Variants in AK8 observed in about 807,000 individuals in gnomAD.
AK8 encodes the protein adenylate kinase 8.
In AK8, 44 loss-of-function variants were observed where a neutral mutation model predicts 54.6. That is an observed-to-expected ratio of 0.81 (90% confidence interval 0.63 to 1.04). The LOEUF is 1.04. Among genes scored for constraint, AK8 ranks in the 50% least tolerant of loss-of-function variants. The pLI is 0.00. For missense variants in AK8, 555 were observed against 613.6 expected (o/e 0.90, Z 1.01); for synonymous variants, 239 against 245.6 (o/e 0.97, Z 0.25).
chr9:132,835,510 T>C (rs577597364), intron 5 of AK8, among the ~76,000 whole-genome samples: 2 of 152,254 alleles, frequency 1.3e-5, no homozygotes, highest in East Asian at 3.9e-4. Context: ...GAAACAAGAT[T>C]AGCCCTGGAA....
At chr9:132,823,167 C>T (rs770592383) in intron 9 of AK8, 38 bp downstream of exon 9, 1 of 1,507,720 alleles carries the variant, frequency 6.6e-7, no homozygotes, top group Non-Finnish European at 8.8e-7. Flanking sequence ...CAGGGAAAGG[C>T]TCTCGAAGCT....
intron 10 of AK8, among the ~76,000 whole-genome samples, chr9:132,801,375 T>A (rs540039407): frequency 6.6e-6 from 1 of 152,302 alleles, no homozygotes; most frequent in East Asian, 1.9e-4. Flanking sequence ...GCAGAATGAT[T>A]TGACAATTTT....
At chr9:132,866,636 T>C (rs1240334198) in intron 3 of AK8, among the ~76,000 whole-genome samples, 1 of 152,148 alleles carries the variant, frequency 6.6e-6, no homozygotes, top group African/African-American at 2.4e-5. Flanking sequence ...GGAGAGCGTG[T>C]ATGCAGGCCA....
In AK8 at chr9:132,860,415, AGAGC is replaced by A. The variant is rs1421186478; in HGVS notation, c.333+3246_333+3249del. Among the ~76,000 whole-genome samples, 2 of 152,264 alleles carry A rather than the reference AGAGC, an allele frequency of 1.3e-5. No individual in the cohort carries two copies. Among genetic ancestry groups the A allele is most frequent in the Non-Finnish European group, 2.9e-5 (2 of 68,036 alleles). Reference sequence around the variant, plus strand: ...TGAGACAAGCCAAGGCTGTTTACTCAGAGCTTGCTGGGCAAGGGAGTCAGCCAGC... The same window carrying A: ...TGAGACAAGCCAAGGCTGTTTACTCATTGCTGGGCAAGGGAGTCAGCCAGC... On this transcript the variant is annotated intron_variant, in intron 4 of 12. Coordinates refer to ENST00000298545, the MANE Select transcript of AK8 (RefSeq NM_152572.3). This position sits in a 1 kb window ranked among gnomAD's most constrained non-coding sequence, Gnocchi z 4.4.
intron 11 of AK8, among the ~76,000 whole-genome samples, chr9:132,751,245 G>A (rs1400297423): frequency 6.6e-6 from 1 of 151,396 alleles, no homozygotes; most frequent in East Asian, 1.9e-4. Context: ...TTAGCCGGGC[G>A]TGGTGGTGCA....
chr9:132,762,874 C>T (rs955832276), intron 11 of AK8, among the ~76,000 whole-genome samples: 1 of 152,070 alleles, frequency 6.6e-6, no homozygotes, highest in Non-Finnish European at 1.5e-5. Context: ...GAGACTCTAT[C>T]TCAAAAGAAA....
intron 11 of AK8, among the ~76,000 whole-genome samples, chr9:132,765,914 T>C (rs1838707463): frequency 6.6e-6 from 1 of 152,224 alleles, no homozygotes; most frequent in African/African-American, 2.4e-5. Context: ...TGTTTGCAGA[T>C]AGCATGATTT....
At chr9:132,869,789 C>G (rs1159932415) in intron 2 of AK8, among the ~76,000 whole-genome samples, 1 of 152,180 alleles carries the variant, frequency 6.6e-6, no homozygotes, top group East Asian at 1.9e-4. Flanking sequence ...GCCAGAGTGC[C>G]ATGGGAGGTT....
intron 5 of AK8, among the ~76,000 whole-genome samples, chr9:132,848,675 G>T (rs1842850306): frequency 6.6e-6 from 1 of 152,116 alleles, no homozygotes; most frequent in South Asian, 2.1e-4. Flanking sequence ...ACTGCAGATG[G>T]TGAGCCCAAG....
intron 5 of AK8, among the ~76,000 whole-genome samples, chr9:132,846,351 TCTAA>T (rs1842746973): frequency 1.3e-5 from 2 of 152,210 alleles, no homozygotes. Flanking sequence ...CAGATCTGCC[TCTAA>T]CTGACGTGAC....
At chr9:132,868,996 T>C (rs1843703395) in intron 2 of AK8, among the ~76,000 whole-genome samples, 1 of 152,092 alleles carries the variant, frequency 6.6e-6, no homozygotes, top group South Asian at 2.1e-4. Flanking sequence ...CTGGCCAACA[T>C]GGTGAAACCC....
chr9:132,727,694 T>A, intron 11 of AK8, 160 bp from the exon 12 acceptor site: 1 of 627,650 alleles, frequency 1.6e-6, no homozygotes. Flanking sequence ...GCCTTTCATG[T>A]ACAACCCAAC....
chr9:132,869,897 C>T (rs1843743552), intron 2 of AK8, among the ~76,000 whole-genome samples: 1 of 151,896 alleles, frequency 6.6e-6, no homozygotes, highest in Non-Finnish European at 1.5e-5. Context: ...GCCTGCTTGG[C>T]CAAAGTCTGA....
chr9:132,859,921 T>C (rs1843320151), intron 4 of AK8, among the ~76,000 whole-genome samples: 1 of 151,728 alleles, frequency 6.6e-6, no homozygotes, highest in South Asian at 2.1e-4. Context: ...AGGTGGGGGT[T>C]TCTGCAGTAT....
intron 11 of AK8, among the ~76,000 whole-genome samples, chr9:132,778,753 C>T (rs1839334487): frequency 1.3e-5 from 2 of 152,054 alleles, no homozygotes; most frequent in South Asian, 2.1e-4. Context: ...CATATTCCAT[C>T]GTTTAAAATT....
chr9:132,857,301 A>C (rs906138972), intron 4 of AK8, among the ~76,000 whole-genome samples: 5 of 152,172 alleles, frequency 3.3e-5, no homozygotes, highest in African/African-American at 1.2e-4. Flanking sequence ...GCAAGTTTTC[A>C]AGGGACGCGG....
intron 10 of AK8, among the ~76,000 whole-genome samples, chr9:132,810,868 G>T (rs927885946): frequency 6.6e-6 from 1 of 151,980 alleles, no homozygotes; most frequent in Non-Finnish European, 1.5e-5. Flanking sequence ...ATAAAATATA[G>T]AATGTAAGTA....
intron 4 of AK8, among the ~76,000 whole-genome samples, chr9:132,858,935 C>T (rs371385228): frequency 1.3e-5 from 2 of 152,172 alleles, no homozygotes; most frequent in African/African-American, 4.8e-5. Context: ...ACAGGAGTGA[C>T]GGAGCCTGGT....
At chr9:132,876,013 G>A (rs930186413) in intron 1 of AK8, among the ~76,000 whole-genome samples, 13 of 152,232 alleles carry the variant, frequency 8.5e-5, no homozygotes, top group Non-Finnish European at 1.8e-4. Flanking sequence ...GAAATGAGGA[G>A]GAGCTCATAG....
Sources: allele counts gnomAD v4.1 joint callset (sites outside exome capture counted in the v4.1 genomes callset), GRCh38; gene constraint gnomAD v4.1.1; non-coding constraint Gnocchi (gnomAD v3.1); transcripts MANE v1.5; gene names NCBI Gene and HGNC (gene_info 2026-07-23, HGNC 2026-07-21).